ANXA10: variants seen among roughly 807,000 people sequenced by gnomAD.
ANXA10 encodes annexin A10, also known as annexin 14.
ANXA10 carries 49 observed loss-of-function variants against 53.5 expected under a neutral mutation model. The ratio of observed to expected loss-of-function variants is 0.92; its 90% CI spans 0.73 to 1.16. ANXA10 has a LOEUF of 1.16. Ranked by LOEUF, ANXA10 falls within the 50% of genes most tolerant of loss-of-function variation. The probability of loss-of-function intolerance (pLI) is 0.00; values close to 1 mark genes in which losing one functional copy is unlikely to be tolerated. For synonymous variants in ANXA10, 131 were observed against 128.9 expected (o/e 1.02, Z -0.11); for missense variants, 393 against 394.4 (o/e 1.00, Z 0.03).
chr4:168,097,998 A>T (rs1194765763), intron 1 of ANXA10, among the ~76,000 whole-genome samples: 1 of 152,008 alleles, frequency 6.6e-6, no homozygotes, highest in African/African-American at 2.4e-5. Flanking sequence ...TCTTGAATGG[A>T]CTAGTTTTTG....
At chr4:168,167,031 T>C (rs909051990) in intron 6 of ANXA10, among the ~76,000 whole-genome samples, 1 of 152,060 alleles carries the variant, frequency 6.6e-6, no homozygotes, top group African/African-American at 2.4e-5. Context: ...AAACGCAAGG[T>C]AGATAATTGT....
At chr4:168,159,724 A>G (rs1389351207) in intron 3 of ANXA10, among the ~76,000 whole-genome samples, 1 of 152,222 alleles carries the variant, frequency 6.6e-6, no homozygotes, top group Admixed American at 6.5e-5. Flanking sequence ...GTATACATAC[A>G]CATAACTCTT....
chr4:168,110,410 T>C (rs2149466145), intron 1 of ANXA10, among the ~76,000 whole-genome samples: 1 of 151,724 alleles, frequency 6.6e-6, no homozygotes, highest in African/African-American at 2.4e-5. Flanking sequence ...CCACCCATAT[T>C]AACGATGCTA....
chr4:168,116,772 A>G (rs1730901843), intron 1 of ANXA10, among the ~76,000 whole-genome samples: 1 of 152,172 alleles, frequency 6.6e-6, no homozygotes. Flanking sequence ...ATGACTACCA[A>G]CCAGAACTCA....
Position 168,160,779 on chromosome 4 carries a change from T to C in ANXA10, c.196-1749T>C, listed in dbSNP as rs574255410. ...TGACTGGGGTGAAACAATATCTCACTGTGGTTTTGATTTGTATTTCTCTAA... is the reference window on the plus strand; with the variant it reads ...TGACTGGGGTGAAACAATATCTCACCGTGGTTTTGATTTGTATTTCTCTAA... On this transcript the variant is annotated intron_variant, in intron 3 of 11. Coordinates refer to ENST00000359299, the MANE Select transcript of ANXA10 (RefSeq NM_007193.5). Among the ~76,000 whole-genome samples the C allele has an allele frequency of 1.6e-4, 24 of 152,334 alleles. No individual in the cohort carries two copies. The South Asian group carries it at 4.8e-3, about 30-fold the overall frequency.
chr4:168,123,540 T>C (rs1731023074), intron 1 of ANXA10, among the ~76,000 whole-genome samples: 1 of 152,182 alleles, frequency 6.6e-6, no homozygotes, highest in African/African-American at 2.4e-5. Context: ...AGGAATTTGA[T>C]CAGACATTGA....
rs1232587423 is a variant in ANXA10, at chr4:168,117,931, ACTCACTCCCTCC to A, written c.19-10149_19-10138del. Among the ~76,000 whole-genome samples, 259 of 148,824 alleles carry A rather than the reference ACTCACTCCCTCC, an allele frequency of 1.7e-3. 2 individuals carry two copies. The highest frequency in any genetic ancestry group is 0.015 in the South Asian group (69 of 4,668). ...CACTCACTCACTCACTCACTCACTCACTCACTCCCTCCCTCCCTCACACTGGGACCATGGGGA... is the reference window on the plus strand; with the variant it reads ...CACTCACTCACTCACTCACTCACTCACTCCCTCACACTGGGACCATGGGGA... On this transcript the variant is annotated intron_variant, in intron 1 of 11. Coordinates refer to ENST00000359299, the MANE Select transcript of ANXA10 (RefSeq NM_007193.5).
intron 6 of ANXA10, among the ~76,000 whole-genome samples, chr4:168,176,741 C>G (rs529940473): frequency 6.6e-6 from 1 of 152,226 alleles, no homozygotes; most frequent in African/African-American, 2.4e-5. Context: ...TGGCTCATGC[C>G]TGTAACCCCA....
chr4:168,111,791 A>G (rs1579204103), intron 1 of ANXA10, among the ~76,000 whole-genome samples: 1 of 152,322 alleles, frequency 6.6e-6, no homozygotes, highest in Non-Finnish European at 1.5e-5. Flanking sequence ...TTTGGGGCAC[A>G]GATATGTTCA....
chr4:168,119,301 C>T (rs1047616265), intron 1 of ANXA10, among the ~76,000 whole-genome samples: 5 of 152,246 alleles, frequency 3.3e-5, no homozygotes, highest in Admixed American at 3.3e-4. Flanking sequence ...GAAAAATGTA[C>T]ATTGCACATC....
intron 1 of ANXA10, among the ~76,000 whole-genome samples, chr4:168,116,352 T>C (rs975417017): frequency 1.3e-5 from 2 of 152,228 alleles, no homozygotes; most frequent in African/African-American, 4.8e-5. Flanking sequence ...TTGGAGACTT[T>C]AGACAAAATA....
intron 1 of ANXA10, among the ~76,000 whole-genome samples, chr4:168,107,498 C>T (rs1579202085): frequency 6.6e-6 from 1 of 152,172 alleles, no homozygotes; most frequent in East Asian, 1.9e-4. Flanking sequence ...AAACCATATG[C>T]CTTTATTTCA....
chr4:168,182,488 A>G (rs201807265), intron 10 of ANXA10, among the ~76,000 whole-genome samples: 6 of 146,730 alleles, frequency 4.1e-5, no homozygotes, highest in East Asian at 2.0e-4. Context: ...CCGCCACCAC[A>G]CCCGGCTAAT....
chr4:168,125,208 G>A (rs1379332198), intron 1 of ANXA10, among the ~76,000 whole-genome samples: 1 of 152,136 alleles, frequency 6.6e-6, no homozygotes, highest in Non-Finnish European at 1.5e-5. Context: ...AAGGAGCAAC[G>A]CTCCAAAGTT....
At chr4:168,172,245 C>G (rs534929470) in intron 6 of ANXA10, among the ~76,000 whole-genome samples, 3 of 152,282 alleles carry the variant, frequency 2.0e-5, no homozygotes, top group Admixed American at 6.5e-5. Flanking sequence ...TTGTTTAAAT[C>G]CACCAGTGTG....
intron 3 of ANXA10, among the ~76,000 whole-genome samples, chr4:168,152,435 A>G (rs1731513502): frequency 6.6e-6 from 1 of 152,146 alleles, no homozygotes; most frequent in African/African-American, 2.4e-5. Context: ...TACCAAGAAG[A>G]TATTATGTAT....
chr4:168,184,510 C>T, intron 10 of ANXA10, 49 bp from the exon 11 acceptor site: 6 of 1,607,584 alleles, frequency 3.7e-6, no homozygotes, highest in Non-Finnish European at 3.4e-6. Flanking sequence ...GACAGACTGA[C>T]TTTTAGGATG....
chr4:168,118,798 C>T (rs1026142736), intron 1 of ANXA10, among the ~76,000 whole-genome samples: 1 of 152,136 alleles, frequency 6.6e-6, no homozygotes, highest in Non-Finnish European at 1.5e-5. Context: ...TGTGTAAAGA[C>T]ACCTTCATGG....
intron 3 of ANXA10, among the ~76,000 whole-genome samples, chr4:168,160,955 A>G (rs1258406238): frequency 6.6e-6 from 1 of 152,118 alleles, no homozygotes; most frequent in Non-Finnish European, 1.5e-5. Flanking sequence ...CACTCTGGTT[A>G]TTAGACCTTT....
Sources: gnomAD v4.1 joint callset for allele counts (sites outside exome capture counted in the v4.1 genomes callset) on GRCh38, gnomAD v4.1.1 for gene constraint, MANE v1.5 for transcripts, NCBI Gene and HGNC (gene_info 2026-07-23, HGNC 2026-07-21) for gene names.